TRPC7: variants seen among roughly 807,000 people sequenced by gnomAD.
TRPC7 encodes short transient receptor potential channel 7.
In TRPC7, 42 loss-of-function variants were observed where a neutral mutation model predicts 90.1. That is an observed-to-expected ratio of 0.47 (90% CI 0.36 to 0.60). TRPC7 has a LOEUF of 0.60. Ranked by LOEUF, TRPC7 falls within the 20% of genes least tolerant of loss-of-function variation. The pLI, the probability that TRPC7 is intolerant of heterozygous loss-of-function variation, is 0.00. For missense variants in TRPC7, 955 were observed against 1,112.3 expected (o/e 0.86, Z 2.01); for synonymous variants, 451 against 436.3 (o/e 1.03, Z -0.42).
chr5:136,271,919 A>G (rs1280668818), intron 4 of TRPC7, among the ~76,000 whole-genome samples: 2 of 152,214 alleles, frequency 1.3e-5, no homozygotes, highest in East Asian at 1.9e-4. Context: ...TGATAATTCA[A>G]TAGGAAAGAA....
chr5:136,334,979 TA>T (rs1315046672), intron 2 of TRPC7, among the ~76,000 whole-genome samples: 3 of 152,134 alleles, frequency 2.0e-5, no homozygotes, highest in Admixed American at 1.3e-4. Context: ...GAGACATAGG[TA>T]AAAGATGAAT....
At chr5:136,286,601 A>G (rs1403797068) in intron 3 of TRPC7, among the ~76,000 whole-genome samples, 2 of 152,214 alleles carry the variant, frequency 1.3e-5, no homozygotes, top group African/African-American at 4.8e-5. Context: ...GTAGCTGAAC[A>G]AATGATGTTA....
In TRPC7 at chr5:136,264,826, C is replaced by T. The variant is rs189963400; in HGVS notation, c.1345+1394G>A. ...CAGGCTGGTCTCAAATTCCTGACCT[C>T]GTGATCCACCCCCTTCGGCCTTCCA... is the stretch of plus-strand genomic sequence containing the variant. On this transcript the variant is annotated intron_variant, in intron 5 of 11. Coordinates refer to ENST00000513104, the MANE Select transcript of TRPC7 (RefSeq NM_020389.3). Among the ~76,000 whole-genome samples, 12 of 152,240 alleles carry T rather than the reference C, an allele frequency of 7.9e-5. No individual in the cohort carries two copies. In the South Asian group the frequency reaches 8.3e-4, roughly 11 times the overall value.
intron 5 of TRPC7, among the ~76,000 whole-genome samples, chr5:136,261,813 C>G (rs1253807545): frequency 6.6e-6 from 1 of 152,144 alleles, no homozygotes; most frequent in Non-Finnish European, 1.5e-5. Flanking sequence ...AGCCTGTCTC[C>G]CCTGTGAACT....
In TRPC7 at chr5:136,263,473, G is replaced by A. The variant is rs550740970; in HGVS notation, c.1345+2747C>T. ...AGGAAAAGGTCATCCATAATTAGAA[G>A]CAAGATTAGTCAATAGAAATCAACC... On this transcript the variant is annotated intron_variant, in intron 5 of 11. Coordinates refer to ENST00000513104, the MANE Select transcript of TRPC7 (RefSeq NM_020389.3). 8.5e-5 allele frequency among the ~76,000 whole-genome samples: 13 copies of A among 152,278 alleles called. No individual in the cohort carries two copies. In the South Asian group the frequency reaches 1.9e-3, roughly 22 times the overall value.
chr5:136,260,163 G>A (rs1389088119), intron 5 of TRPC7, among the ~76,000 whole-genome samples: 1 of 152,174 alleles, frequency 6.6e-6, no homozygotes, highest in East Asian at 1.9e-4. Flanking sequence ...AGAGGTGATT[G>A]GGAAAACCAG....
intron 1 of TRPC7, among the ~76,000 whole-genome samples, chr5:136,359,710 T>A (rs928470945): frequency 2.0e-5 from 3 of 152,056 alleles, no homozygotes; most frequent in African/African-American, 7.2e-5. Context: ...TTACCCTATT[T>A]GTATTCCCAA....
At chr5:136,304,848 A>G (rs556142310) in intron 3 of TRPC7, among the ~76,000 whole-genome samples, 20 of 152,274 alleles carry the variant, frequency 1.3e-4, no homozygotes, top group African/African-American at 4.8e-4. Flanking sequence ...CTTCCTAGGC[A>G]TGGTTAGTGT....
chr5:136,295,144 G>T (rs961299354), intron 3 of TRPC7, among the ~76,000 whole-genome samples: 10 of 152,042 alleles, frequency 6.6e-5, no homozygotes, highest in African/African-American at 1.2e-4. Flanking sequence ...GTTGTGGGGT[G>T]GGGGGAGTGG....
At chr5:136,243,419 A>G (rs1344070488) in intron 7 of TRPC7, among the ~76,000 whole-genome samples, 1 of 152,104 alleles carries the variant, frequency 6.6e-6, no homozygotes. Context: ...TGCCGAGTCT[A>G]TAGAAACAGA....
chr5:136,290,787 A>G (rs1183844872), intron 3 of TRPC7, among the ~76,000 whole-genome samples: 1 of 152,188 alleles, frequency 6.6e-6, no homozygotes, highest in African/African-American at 2.4e-5. Context: ...GGAAATAAAG[A>G]GAATGCCACA....
At chr5:136,292,641 G>A (rs1758001416) in intron 3 of TRPC7, among the ~76,000 whole-genome samples, 1 of 152,142 alleles carries the variant, frequency 6.6e-6, no homozygotes, top group African/African-American at 2.4e-5. Context: ...CTGAAATTGA[G>A]GCAATAATTA....
At chr5:136,287,723 AAAAAAACCCAG>A (rs1757776041) in intron 3 of TRPC7, among the ~76,000 whole-genome samples, 2 of 127,660 alleles carry the variant, frequency 1.6e-5, no homozygotes, top group Non-Finnish European at 3.4e-5. Context: ...AAAAAAAAAA[AAAAAAACCCAG>A]AAAAAAAAAA....
chr5:136,251,409 T>C (rs562390862), intron 6 of TRPC7, among the ~76,000 whole-genome samples: 11 of 152,300 alleles, frequency 7.2e-5, no homozygotes, highest in Admixed American at 2.0e-4. Context: ...ACAAAAAGAT[T>C]CATTTCTCAA....
intron 3 of TRPC7, among the ~76,000 whole-genome samples, chr5:136,294,323 A>C (rs1758076444): frequency 6.6e-6 from 1 of 152,226 alleles, no homozygotes; most frequent in Admixed American, 6.5e-5. Flanking sequence ...TCTGCACAGC[A>C]AAAGAAACCA....
At chr5:136,359,670 G>A (rs986279605) in intron 1 of TRPC7, among the ~76,000 whole-genome samples, 2 of 152,058 alleles carry the variant, frequency 1.3e-5, no homozygotes, top group Non-Finnish European at 2.9e-5. Flanking sequence ...TTTTCAGAAA[G>A]AGAAAGTTAC....
intron 10 of TRPC7, among the ~76,000 whole-genome samples, chr5:136,224,215 G>C (rs1329667688): frequency 1.3e-5 from 2 of 152,180 alleles, no homozygotes; most frequent in Non-Finnish European, 2.9e-5. Flanking sequence ...AGGTGAAACT[G>C]CTGATCATCG....
intron 4 of TRPC7, among the ~76,000 whole-genome samples, chr5:136,266,705 C>T (rs1757044883): frequency 6.6e-6 from 1 of 152,180 alleles, no homozygotes; most frequent in African/African-American, 2.4e-5. Flanking sequence ...CATCATGCTA[C>T]ATCTGATTGC....
chr5:136,348,197 G>A (rs915424883), intron 2 of TRPC7, among the ~76,000 whole-genome samples: 4 of 152,176 alleles, frequency 2.6e-5, no homozygotes, highest in Non-Finnish European at 4.4e-5. Context: ...ACCCTACAAT[G>A]AAGTCCAACT....
Sources: gnomAD v4.1 joint callset for allele counts (sites outside exome capture counted in the v4.1 genomes callset) on GRCh38, gnomAD v4.1.1 for gene constraint, MANE v1.5 for transcripts, NCBI Gene and HGNC (gene_info 2026-07-23, HGNC 2026-07-21) for gene names.